The following DNMT1 variants were observed in gnomAD, a reference collection of about 807,000 sequenced individuals.
The protein encoded by DNMT1 is DNA (cytosine-5)-methyltransferase 1.
In DNMT1, 24 loss-of-function variants were observed where a neutral mutation model predicts 205.3. The observed-to-expected ratio is 0.12, with a 90% CI of 0.08 to 0.16. DNMT1 has a LOEUF of 0.16. DNMT1 is among the 10% of genes least tolerant of loss of function. The pLI, the probability that DNMT1 is intolerant of heterozygous loss-of-function variation, is 1.00. For missense variants in DNMT1, 1,293 were observed against 2,177.7 expected, an observed-to-expected ratio of 0.59 and a Z score of 8.09; for synonymous variants, 817 against 839.8, an observed-to-expected ratio of 0.97 and a Z score of 0.47.
Position 10,159,510 on chromosome 19 carries a change from T to C in DNMT1, c.1280+148A>G. On this transcript the variant is annotated intron_variant, in intron 17 of 40. Coordinates refer to ENST00000359526, the MANE Select transcript of DNMT1 (RefSeq NM_001130823.3). The surrounding 1 kb of genome is among the most constrained non-coding windows in gnomAD (Gnocchi z 5.0). ...AGGCATGAGCCACCGCGCCCAGCCC[T>C]CCACGGTGGCTCTTATCCACGAAGT... 1.2e-6 allele frequency: 1 copy of C among 835,976 alleles called. No homozygotes were observed. The highest frequency in any genetic ancestry group is 1.9e-6 in the Non-Finnish European group (1 of 515,220). 51.8% of individuals were successfully genotyped at this position (835,976 alleles called of 1,614,324 possible).
At chr19:10,190,297 C>G (rs1244415952) in intron 1 of DNMT1, among the ~76,000 whole-genome samples, 1 of 152,150 alleles carries the variant, frequency 6.6e-6, no homozygotes, top group East Asian at 1.9e-4. Context: ...GCATTTGAGT[C>G]TACTGTGCTC....
At chr19:10,190,765 AAAAATAAAAT>A (rs71188886) in intron 1 of DNMT1, among the ~76,000 whole-genome samples, 45,198 of 133,886 alleles carry the variant, frequency 0.34, 8,281 homozygotes, top group African/African-American at 0.4. Flanking sequence ...ACTCTGTCTC[AAAAATAAAAT>A]AAAATAAAAT....
Position 10,151,316 on chromosome 19 carries a change from A to G in DNMT1, c.2265+82T>C. 2.5e-6 allele frequency: 4 copies of G among 1,589,038 alleles called. No homozygotes were observed. Among genetic ancestry groups the G allele is most frequent in the African/African-American group, 1.3e-5 (1 of 74,768 alleles). On this transcript the variant is annotated intron_variant, in intron 24 of 40. Coordinates refer to ENST00000359526, the MANE Select transcript of DNMT1 (RefSeq NM_001130823.3). The surrounding 1 kb of genome is among the most constrained non-coding windows in gnomAD (Gnocchi z 5.0). ...AGTGCCGGGGCTCAGGCTGCCTGAG[A>G]GGTCAGGTTGGCGAGATACTAGAGG...
Position 10,140,691 on chromosome 19 carries a change from G to A in DNMT1, c.3523+90C>T. ...CCTCGGAAGGAGATTCTTGAGTCAG[G>A]AAGGTGACCGGGGTTGGAAGTCGTT... On this transcript the variant is annotated intron_variant, in intron 32 of 40. Coordinates refer to ENST00000359526, the MANE Select transcript of DNMT1 (RefSeq NM_001130823.3). The surrounding 1 kb of genome is among the most constrained non-coding windows in gnomAD (Gnocchi z 8.4). 6.2e-7 allele frequency: 1 copy of A among 1,606,138 alleles called. No homozygotes were observed. Among genetic ancestry groups the A allele is most frequent in the Non-Finnish European group, 8.5e-7 (1 of 1,174,096 alleles).
chr19:10,157,824 G>A (rs1234975785), intron 17 of DNMT1, among the ~76,000 whole-genome samples: 2 of 152,192 alleles, frequency 1.3e-5, no homozygotes, highest in Non-Finnish European at 2.9e-5. Flanking sequence ...AGAAGAGGGG[G>A]TCCCGCTCCC....
chr19:10,141,783 C>T (rs950841261), intron 30 of DNMT1: 37 of 552,826 alleles, frequency 6.7e-5, no homozygotes, highest in African/African-American at 4.5e-4. Context: ...TCTCTAATGA[C>T]GTACTTTTTA....
chr19:10,136,489 G>A (rs898158002), intron 37 of DNMT1, among the ~76,000 whole-genome samples: 26 of 152,178 alleles, frequency 1.7e-4, no homozygotes, highest in African/African-American at 6.3e-4. Flanking sequence ...AGGCTGGAGT[G>A]CAATGGCATG....
chr19:10,171,473 C>A (rs1051489055), intron 9 of DNMT1, among the ~76,000 whole-genome samples: 4 of 151,932 alleles, frequency 2.6e-5, no homozygotes, highest in Admixed American at 6.6e-5. Context: ...CAGTTTGAGA[C>A]CAGCCTGGCC....
chr19:10,180,895 G>C lies in DNMT1; in HGVS notation c.118-10C>G. The C allele has an allele frequency of 6.2e-7, 1 of 1,611,960 alleles. No homozygotes were observed. On this transcript the variant is annotated splice_polypyrimidine_tract_variant and intron_variant, in intron 2 of 40. Coordinates refer to ENST00000359526, the MANE Select transcript of DNMT1 (RefSeq NM_001130823.3). The stretch of plus-strand genomic sequence containing the variant: ...TCTCCTTCACACATTCCTAAGGGAA[G>C]GATATAGGTTTAGCAGTACCCACAT...
chr19:10,172,119 T>C (rs1188060946), intron 9 of DNMT1, among the ~76,000 whole-genome samples: 1 of 151,774 alleles, frequency 6.6e-6, no homozygotes, highest in African/African-American at 2.4e-5. Context: ...AAAAATAAGT[T>C]TGAAAAGTAT....
At chr19:10,144,210 C>A (rs2089655731) in intron 28 of DNMT1, 1 of 550,940 alleles carries the variant, frequency 1.8e-6, no homozygotes, top group Admixed American at 2.7e-5. Flanking sequence ...AAGTTCGAGA[C>A]CACCCTGGCC....
chr19:10,154,279 A>C lies in DNMT1; in HGVS notation c.2019+14T>G. 1 of 1,613,568 alleles carries C rather than the reference A, an allele frequency of 6.2e-7. No individual in the cohort carries two copies. Among genetic ancestry groups the C allele is most frequent in the Non-Finnish European group, 8.5e-7 (1 of 1,179,484 alleles). On this transcript the variant is annotated intron_variant, in intron 22 of 40. Transcript: ENST00000359526. This position sits in a 1 kb window ranked among gnomAD's most constrained non-coding sequence, Gnocchi z 6.3. ...CCACCTTAGGGGAGCGGGAGCACCCACAGGTGAGGTTACCTCACAGACGCC... is the reference window on the plus strand; with the variant it reads ...CCACCTTAGGGGAGCGGGAGCACCCCCAGGTGAGGTTACCTCACAGACGCC...
At chr19:10,155,994 AC>A in intron 18 of DNMT1, 49 bp from the exon 19 acceptor site, 1 of 1,584,496 alleles carries the variant, frequency 6.3e-7, no homozygotes, top group Non-Finnish European at 8.6e-7. Flanking sequence ...CACATCCCAA[AC>A]CCAGGAGGCG....
At chr19:10,182,344 A>G (rs1294296730) in intron 1 of DNMT1, among the ~76,000 whole-genome samples, 1 of 151,132 alleles carries the variant, frequency 6.6e-6, no homozygotes, top group African/African-American at 2.4e-5. Context: ...GCAGCTCTGT[A>G]ACACAATTAT....
chr19:10,148,643 G>A (rs1599358072), intron 27 of DNMT1, among the ~76,000 whole-genome samples: 3 of 152,258 alleles, frequency 2.0e-5, no homozygotes, highest in African/African-American at 2.4e-5. Flanking sequence ...ATGGCAAGAC[G>A]AACCCTGTTC....
intron 13 of DNMT1, 125 bp from the exon 14 acceptor site, chr19:10,160,543 G>A: frequency 2.0e-6 from 2 of 994,298 alleles, no homozygotes; most frequent in Non-Finnish European, 3.1e-6. Flanking sequence ...GGGAGGCAGT[G>A]AGAGGGCCAG....
intron 22 of DNMT1, among the ~76,000 whole-genome samples, chr19:10,153,333 TA>T (rs2038388059): frequency 6.6e-6 from 1 of 151,988 alleles, no homozygotes; most frequent in Admixed American, 6.6e-5. Context: ...GTTACACAAA[TA>T]AAAACAAATG....
rs1187550699 is a variant in DNMT1, at chr19:10,154,789, G to A, written c.1645-16C>T. On this transcript the variant is annotated splice_polypyrimidine_tract_variant and intron_variant, in intron 20 of 40. Coordinates refer to ENST00000359526, the MANE Select transcript of DNMT1 (RefSeq NM_001130823.3). This position sits in a 1 kb window ranked among gnomAD's most constrained non-coding sequence, Gnocchi z 6.3. ...GAACCGTGGTCTTGAAAGAGAACAG[G>A]TTTCTCTCATGCTTAAGCCAAACTG... is the stretch of plus-strand genomic sequence containing the variant. 1 of 1,614,214 alleles carries A rather than the reference G, an allele frequency of 6.2e-7. No homozygotes were observed. Among genetic ancestry groups the A allele is most frequent in the Admixed American group, 1.7e-5 (1 of 60,020 alleles).
intron 28 of DNMT1, among the ~76,000 whole-genome samples, chr19:10,145,510 GA>G (rs2038178602): frequency 6.6e-6 from 1 of 152,170 alleles, no homozygotes; most frequent in East Asian, 1.9e-4. Flanking sequence ...CTGATTCTTA[GA>G]AAAAACACAG....
Sources: allele counts gnomAD v4.1 joint callset (sites outside exome capture counted in the v4.1 genomes callset), GRCh38; gene constraint gnomAD v4.1.1; non-coding constraint Gnocchi (gnomAD v3.1); transcripts MANE v1.5; gene names NCBI Gene and HGNC (gene_info 2026-07-23, HGNC 2026-07-21).